The following WAC variants were observed in gnomAD, a reference collection of about 807,000 sequenced individuals.
WAC encodes WW domain containing adaptor with coiled-coil.
A neutral mutation model predicts 79.6 loss-of-function variants in WAC; 11 were observed. The observed-to-expected ratio is 0.14, with a 90% CI of 0.09 to 0.23. The LOEUF (loss-of-function observed/expected upper bound fraction) is 0.23. Ranked by LOEUF, WAC falls within the 10% of genes least tolerant of loss-of-function variation. The probability of loss-of-function intolerance (pLI) is 1.00; values close to 1 mark genes in which losing one functional copy is unlikely to be tolerated. For synonymous variants in WAC, 304 were observed against 276.9 expected, an observed-to-expected ratio of 1.10 and a Z score of -0.97; for missense variants, 728 against 773.5, an observed-to-expected ratio of 0.94 and a Z score of 0.70.
rs866739964 is a variant in WAC, at chr10:28,590,196, C to G, written c.497+345C>G. Among the ~76,000 whole-genome samples, 4 of 151,674 alleles carry G rather than the reference C, an allele frequency of 2.6e-5. No homozygotes were observed. In the South Asian group the frequency reaches 8.3e-4, roughly 32 times the overall value. On this transcript the variant is annotated intron_variant, in intron 5 of 13. Coordinates refer to ENST00000354911, the MANE Select transcript of WAC (RefSeq NM_016628.5). ...TGAGTGGTAGCATGCACTTGTAGTCCTAGCTACTAAGAGGCTGAGGTGGGA... is the reference window on the plus strand; with the variant it reads ...TGAGTGGTAGCATGCACTTGTAGTCGTAGCTACTAAGAGGCTGAGGTGGGA...
intron 3 of WAC, among the ~76,000 whole-genome samples, chr10:28,542,488 T>G (rs1837108622): frequency 6.6e-6 from 1 of 152,196 alleles, no homozygotes; most frequent in Admixed American, 6.5e-5. Context: ...AATTGTAACT[T>G]AGTTTTACAC....
Position 28,622,650 on chromosome 10 carries a change from CT to C in WAC, c.*3048del. The C allele has an allele frequency of 2.6e-5, 4 of 152,224 alleles. No individual in the cohort carries two copies. Among genetic ancestry groups the C allele is most frequent in the African/African-American group, 9.6e-5 (4 of 41,538 alleles). 9.4% of individuals were successfully genotyped at this position (152,224 alleles called of 1,614,324 possible). A position where few individuals can be genotyped will look rare whatever the true frequency, so the allele number is the denominator to read the frequency against. ...AGCCCTGTTTCAAGACATTATGCTT[CT>C]TTTAACAGTCCAAATTAGTAGTTTT... On this transcript the variant is annotated 3_prime_UTR_variant, in exon 14 of 14. Transcript: ENST00000354911.
At chr10:28,585,482 C>T (rs1839771017) in intron 4 of WAC, among the ~76,000 whole-genome samples, 1 of 151,928 alleles carries the variant, frequency 6.6e-6, no homozygotes, top group South Asian at 2.1e-4. Flanking sequence ...GAAAACAGCT[C>T]GCTAAGCCTT....
chr10:28,535,603 T>C lies in WAC; in HGVS notation c.120T>C (p.Asp40=). The C allele has an allele frequency of 6.2e-7, 1 of 1,613,990 alleles. No homozygotes were observed. Among genetic ancestry groups the C allele is most frequent in the Non-Finnish European group, 8.5e-7 (1 of 1,179,986 alleles). Residue 40 remains aspartate (D), a synonymous_variant, in exon 3 of 14, where the codon GAT becomes GAC. Transcript: ENST00000354911. ...CGAAGAGTCACCCCAGTAGCGGTGATCACAGACATGAAAAGATGCGAGACG... is the reference window on the plus strand; with the variant it reads ...CGAAGAGTCACCCCAGTAGCGGTGACCACAGACATGAAAAGATGCGAGACG... ...YSSKSHPSSG[D]HRHEKMRDAG...
At chr10:28,566,028 A>T (rs934398300) in intron 3 of WAC, among the ~76,000 whole-genome samples, 4 of 152,216 alleles carry the variant, frequency 2.6e-5, no homozygotes, top group African/African-American at 9.6e-5. Flanking sequence ...TGTTAAAAAA[A>T]AATTAGAGTA....
At chr10:28,567,810 AGT>A (rs1247143330) in intron 3 of WAC, among the ~76,000 whole-genome samples, 1 of 152,124 alleles carries the variant, frequency 6.6e-6, no homozygotes, top group Non-Finnish European at 1.5e-5. Context: ...GCTGGAGTGC[AGT>A]GGCACTATCA....
chr10:28,546,278 G>A (rs956330103), intron 3 of WAC, among the ~76,000 whole-genome samples: 8 of 152,296 alleles, frequency 5.3e-5, no homozygotes, highest in African/African-American at 1.7e-4. Context: ...CTTTGGTTAC[G>A]ATGAAGAGAG....
chr10:28,568,545 T>C (rs1170244657), intron 3 of WAC, among the ~76,000 whole-genome samples: 1 of 152,006 alleles, frequency 6.6e-6, no homozygotes, highest in Non-Finnish European at 1.5e-5. Flanking sequence ...CATGCCAGGC[T>C]AATTTTTTTT....
Position 28,619,960 on chromosome 10 carries a change from T to A in WAC, c.*354T>A, listed in dbSNP as rs866309821. 1,722 of 142,094 alleles carry A rather than the reference T, an allele frequency of 0.012. 12 individuals carry two copies. The highest frequency in any genetic ancestry group is 0.02 in the South Asian group (89 of 4,372). 8.8% of individuals were successfully genotyped at this position (142,094 alleles called of 1,614,324 possible). On this transcript the variant is annotated 3_prime_UTR_variant, in exon 14 of 14. Coordinates refer to ENST00000354911, the MANE Select transcript of WAC (RefSeq NM_016628.5). ...AACCTGTCTGCAAAATTAGCTTTTT[T>A]AAAAAAAAAAAAAAAAAAATTGGGG...
Position 28,611,912 on chromosome 10 carries a change from C to T in WAC, c.1427C>T (p.Ser476Leu). The part of the protein sequence containing the change: ...KPLISTPPVS[S>L]QPKVSTPVVK... The stretch of plus-strand genomic sequence containing the variant: ...TTGATCAGTACTCCTCCTGTTTCAT[C>T]ACAGCCAAAGGTATGTCACCTTTGA... The change falls in exon 10 of 14, where the codon TCA becomes TTA. Residue 476 changes from serine (S) to leucine (L), a missense_variant. Physicochemically the swap from Ser to Leu is moderately radical, Grantham distance 145. Transcript: ENST00000354911. 6.2e-7 allele frequency: 1 copy of T among 1,613,392 alleles called. No homozygotes were observed. Among genetic ancestry groups the T allele is most frequent in the Non-Finnish European group, 8.5e-7 (1 of 1,179,894 alleles).
chr10:28,562,147 C>A (rs1370553507), intron 3 of WAC, among the ~76,000 whole-genome samples: 1 of 152,118 alleles, frequency 6.6e-6, no homozygotes, highest in African/African-American at 2.4e-5. Context: ...AACTTTGCCT[C>A]CTGAGTTCAA....
chr10:28,608,765 G>A (rs988108783), intron 8 of WAC, among the ~76,000 whole-genome samples: 5 of 151,886 alleles, frequency 3.3e-5, no homozygotes, highest in Admixed American at 1.3e-4. Flanking sequence ...TGTTGAAATC[G>A]GTATTAAAAC....
intron 3 of WAC, among the ~76,000 whole-genome samples, chr10:28,580,921 C>T (rs576290261): frequency 4.1e-4 from 63 of 152,254 alleles, no homozygotes; most frequent in African/African-American, 1.5e-3. Context: ...TGACTTACTA[C>T]AGTGGACAGG....
chr10:28,533,838 T>C, intron 1 of WAC, 160 bp from the exon 2 acceptor site: 1 of 1,040,672 alleles, frequency 9.6e-7, no homozygotes, highest in Non-Finnish European at 1.4e-6. Flanking sequence ...CTCCGGCCCT[T>C]CCGGAGGCTC....
At position 28,537,959 on chromosome 10, in the gene WAC, G is replaced by A. The variant is rs192270360; in HGVS notation, c.274+2202G>A. ...CCAATTTTCTTTCTAGCTGATTGTCGTCTTCTGGAGTCTTCCAGCTAATAC... is the reference window on the plus strand; with the variant it reads ...CCAATTTTCTTTCTAGCTGATTGTCATCTTCTGGAGTCTTCCAGCTAATAC... On this transcript the variant is annotated intron_variant, in intron 3 of 13. Coordinates refer to ENST00000354911, the MANE Select transcript of WAC (RefSeq NM_016628.5). 2.7e-3 allele frequency among the ~76,000 whole-genome samples: 414 copies of A among 152,060 alleles called. 1 individual carries two copies. Among genetic ancestry groups the A allele is most frequent in the Non-Finnish European group, 4.8e-3 (323 of 67,980 alleles).
chr10:28,544,942 G>A (rs1192221677), intron 3 of WAC, among the ~76,000 whole-genome samples: 1 of 150,620 alleles, frequency 6.6e-6, no homozygotes, highest in African/African-American at 2.4e-5. Flanking sequence ...GTGCATACCT[G>A]TAATCCCAGC....
At chr10:28,599,257 G>T (rs1840524199) in intron 7 of WAC, among the ~76,000 whole-genome samples, 1 of 152,102 alleles carries the variant, frequency 6.6e-6, no homozygotes, top group Non-Finnish European at 1.5e-5. Context: ...TTCAAATCAG[G>T]TTGGCCTGTT....
In WAC at chr10:28,614,451, C is replaced by A. The variant is rs1177700632; in HGVS notation, c.1438-116C>A. 8 of 443,800 alleles carry A rather than the reference C, an allele frequency of 1.8e-5. No individual in the cohort carries two copies. The East Asian group carries it at 2.1e-4, about 12-fold the overall frequency. The allele number at this position is 443,800 out of a possible 1,614,324, so 27.5% of individuals were successfully genotyped here. On this transcript the variant is annotated intron_variant, in intron 10 of 13. Transcript: ENST00000354911. ...GGCCATTTTCACAAAGAAATGAGAT[C>A]TAAGTTTCAGAACTTGACTGCCACA...
chr10:28,558,959 C>T (rs1265665680), intron 3 of WAC, among the ~76,000 whole-genome samples: 1 of 152,092 alleles, frequency 6.6e-6, no homozygotes, highest in African/African-American at 2.4e-5. Context: ...CAAATCAACC[C>T]AGCTCAATTT....
Sources: allele counts gnomAD v4.1 joint callset (sites outside exome capture counted in the v4.1 genomes callset), GRCh38; gene constraint gnomAD v4.1.1; transcripts MANE v1.5; gene names NCBI Gene and HGNC (gene_info 2026-07-23, HGNC 2026-07-21).